WLS: variants seen among roughly 807,000 people sequenced by gnomAD.
WLS encodes the protein Wnt ligand secretion mediator.
WLS carries 23 observed loss-of-function variants against 62.8 expected under a neutral mutation model. The observed-to-expected ratio is 0.37, with a 90% CI of 0.26 to 0.52. The LOEUF is 0.52. WLS is among the 20% of genes least tolerant of loss of function. The pLI is 0.92. For synonymous variants in WLS, 246 were observed against 244.1 expected (o/e 1.01, Z -0.07); for missense variants, 615 against 697.3 (o/e 0.88, Z 1.33).
At chr1:68,131,575 A>G (rs1297891156) in intron 11 of WLS, among the ~76,000 whole-genome samples, 1 of 152,100 alleles carries the variant, frequency 6.6e-6, no homozygotes, top group Non-Finnish European at 1.5e-5. Flanking sequence ...ATGGACCTCC[A>G]AAGCACCTCC....
At chr1:68,108,840 A>G (rs1646182424) in intron 11 of WLS, among the ~76,000 whole-genome samples, 1 of 152,204 alleles carries the variant, frequency 6.6e-6, no homozygotes, top group Non-Finnish European at 1.5e-5. Context: ...CACACTAAAG[A>G]TACCACGGAC....
At chr1:68,162,753 G>T (rs1646998458) in intron 2 of WLS, 34 of 1,115,540 alleles carry the variant, frequency 3.0e-5, no homozygotes, top group Non-Finnish European at 4.4e-5. Context: ...TGGCAGCCTT[G>T]ATGTCCACGT....
intron 11 of WLS, among the ~76,000 whole-genome samples, chr1:68,116,737 T>G (rs1346039025): frequency 6.6e-6 from 1 of 152,238 alleles, no homozygotes; most frequent in Non-Finnish European, 1.5e-5. Context: ...GAACAGTGCC[T>G]GGTACTTAAT....
At chr1:68,214,473 T>G (rs1649651372) in intron 1 of WLS, among the ~76,000 whole-genome samples, 1 of 152,078 alleles carries the variant, frequency 6.6e-6, no homozygotes. Context: ...CAAGTGATTC[T>G]CCTGCCTCAG....
intron 1 of WLS, among the ~76,000 whole-genome samples, chr1:68,229,725 T>A (rs79249533): frequency 0.16 from 23,762 of 150,682 alleles, 2,122 homozygotes; most frequent in East Asian, 0.41. Flanking sequence ...CAAAAAAAAA[T>A]TACTGTTTAA....
intron 10 of WLS, among the ~76,000 whole-genome samples, chr1:68,143,196 G>A (rs1387733759): frequency 2.0e-5 from 3 of 152,144 alleles, no homozygotes; most frequent in African/African-American, 7.2e-5. Flanking sequence ...AAATGGTTAG[G>A]AGTCCCTGTA....
chr1:68,139,278 G>C (rs563745015), intron 10 of WLS, among the ~76,000 whole-genome samples: 14 of 152,170 alleles, frequency 9.2e-5, no homozygotes, highest in African/African-American at 3.4e-4. Context: ...TTAGGACAAT[G>C]TACCAGCATT....
intron 2 of WLS, among the ~76,000 whole-genome samples, chr1:68,167,684 T>C (rs1647080963): frequency 6.6e-6 from 1 of 152,174 alleles, no homozygotes; most frequent in Non-Finnish European, 1.5e-5. Flanking sequence ...TCCATACCTA[T>C]ACTATACCAG....
At chr1:68,198,317 A>T (rs1037077732) in intron 1 of WLS, among the ~76,000 whole-genome samples, 1 of 152,222 alleles carries the variant, frequency 6.6e-6, no homozygotes, top group Non-Finnish European at 1.5e-5. Context: ...TTGAAAATGC[A>T]GTCCATTATG....
chr1:68,213,698 A>AG (rs1199643605), intron 1 of WLS, among the ~76,000 whole-genome samples: 3 of 152,174 alleles, frequency 2.0e-5, no homozygotes, highest in African/African-American at 7.2e-5. Flanking sequence ...TCAAAAAAAA[A>AG]AATTATCTGA....
At chr1:68,161,809 G>A (rs1414179216) in intron 2 of WLS, 1 of 1,603,434 alleles carries the variant, frequency 6.2e-7, no homozygotes, top group East Asian at 2.2e-5. Flanking sequence ...CTGGTTGGGA[G>A]AGGGCGCCTG....
chr1:68,161,872 A>G, intron 2 of WLS: 2 of 1,608,394 alleles, frequency 1.2e-6, no homozygotes, highest in Non-Finnish European at 1.7e-6. Context: ...GCCTCCAGGG[A>G]TGATCCCTTC....
In WLS at chr1:68,102,402, G is replaced by A. The variant is rs80351207; in HGVS notation, c.1511-3649C>T. 5.3e-5 allele frequency among the ~76,000 whole-genome samples: 8 copies of A among 152,240 alleles called. No individual in the cohort carries two copies. The East Asian group carries it at 1.5e-3, about 29-fold the overall frequency. On this transcript the variant is annotated intron_variant, in intron 11 of 11. Transcript: ENST00000354777. ...CTATGGGGAGAACCGTTGAATCGTA[G>A]CCTGGGATCTGGAGGTTGATGTCTC...
At chr1:68,189,248 A>T (rs1358093025) in intron 2 of WLS, among the ~76,000 whole-genome samples, 2 of 152,138 alleles carry the variant, frequency 1.3e-5, no homozygotes, top group Non-Finnish European at 2.9e-5. Flanking sequence ...GTGCAAGAGT[A>T]GGGATGCTGG....
intron 1 of WLS, among the ~76,000 whole-genome samples, chr1:68,222,408 T>C (rs904560857): frequency 6.6e-6 from 1 of 152,184 alleles, no homozygotes; most frequent in African/African-American, 2.4e-5. Context: ...CTAAGTATAT[T>C]AAGGATACAA....
At chr1:68,146,340 C>T (rs961780579) in intron 8 of WLS, among the ~76,000 whole-genome samples, 8 of 152,188 alleles carry the variant, frequency 5.3e-5, no homozygotes, top group African/African-American at 9.6e-5. Flanking sequence ...CCAGGAGATC[C>T]GTATACACAA....
chr1:68,163,018 T>C, intron 2 of WLS: 1 of 1,594,646 alleles, frequency 6.3e-7, no homozygotes, highest in African/African-American at 1.3e-5. Flanking sequence ...CCGTTCATGA[T>C]CTGGGGGCGG....
Position 68,148,552 on chromosome 1 carries a change from C to A in WLS, c.1070+11G>T. ...ACAGTTTGGCTCAGTGTCCCACAAA[C>A]ACTTGCTCACCTCTCACACATGTCA... On this transcript the variant is annotated intron_variant, in intron 7 of 11. Transcript: ENST00000262348. 1 of 1,613,590 alleles carries A rather than the reference C, an allele frequency of 6.2e-7. No homozygotes were observed. Among genetic ancestry groups the A allele is most frequent in the Non-Finnish European group, 8.5e-7 (1 of 1,179,786 alleles).
At chr1:68,171,697 A>G (rs1647156042) in intron 2 of WLS, among the ~76,000 whole-genome samples, 1 of 152,186 alleles carries the variant, frequency 6.6e-6, no homozygotes, top group African/African-American at 2.4e-5. Context: ...AAATAGGAAC[A>G]CTTTTACACT....
Sources: gnomAD v4.1 joint callset for allele counts (sites outside exome capture counted in the v4.1 genomes callset) on GRCh38, gnomAD v4.1.1 for gene constraint, MANE v1.5 for transcripts, NCBI Gene and HGNC (gene_info 2026-07-23, HGNC 2026-07-21) for gene names.